The following OAS1 variants were observed in gnomAD, a reference collection of about 807,000 sequenced individuals.
OAS1 encodes 2'-5'-oligoadenylate synthetase 1, also known as 2'-5'-oligoadenylate synthase 1.
A neutral mutation model predicts 38.5 loss-of-function variants in OAS1; 24 were observed. That is an observed-to-expected ratio of 0.62 (90% CI 0.45 to 0.88). The LOEUF (loss-of-function observed/expected upper bound fraction) is 0.88, where lower values mean the gene tolerates loss of function less well. Among genes scored for constraint, OAS1 ranks in the 40% least tolerant of loss-of-function variants. The pLI, the probability that OAS1 is intolerant of heterozygous loss-of-function variation, is 0.00. For missense variants in OAS1, 482 were observed against 493.9 expected, an observed-to-expected ratio of 0.98 and a Z score of 0.23; for synonymous variants, 169 against 193.9, an observed-to-expected ratio of 0.87 and a Z score of 1.07.
At chr12:112,920,042 C>A, downstream of OAS1, 1 of 217,650 alleles carries the variant, frequency 4.6e-6, no homozygotes, top group Non-Finnish European at 9.3e-6. Context: ...TAGCTCTGGG[C>A]ACTGGGAATA....
At position 112,907,142 on chromosome 12, in the gene OAS1, G is replaced by A. The variant is rs568931178; in HGVS notation, c.103G>A (p.Asp35Asn). 3 of 1,614,064 alleles carry A rather than the reference G, an allele frequency of 1.9e-6. No homozygotes were observed. Among genetic ancestry groups the A allele is most frequent in the African/African-American group, 1.3e-5 (1 of 74,928 alleles). Residue 35 changes from aspartate (D) to asparagine (N), a missense_variant, in exon 1 of 6, where the codon GAC becomes AAC. Coordinates refer to ENST00000202917, the MANE Select transcript of OAS1 (RefSeq NM_016816.4). ...CFRMQINHAI[D>N]IICGFLKERC... Reference sequence around the variant, plus strand: ...CCGCATGCAAATCAACCATGCCATTGACATCATCTGTGGGTTCCTGAAGGA... The same window carrying A: ...CCGCATGCAAATCAACCATGCCATTAACATCATCTGTGGGTTCCTGAAGGA...
At chr12:112,930,883 CTCTT>C (rs1457293440) in intron 6 of OAS1, among the ~76,000 whole-genome samples, 1 of 152,228 alleles carries the variant, frequency 6.6e-6, no homozygotes, top group Non-Finnish European at 1.5e-5. Context: ...ATTCGGGGAG[CTCTT>C]TCTTTCTCTC....
chr12:112,917,621 C>T lies in OAS1; in HGVS notation c.959C>T (p.Ala320Val), dbSNP rs370539671. 6.8e-6 allele frequency: 11 copies of T among 1,614,086 alleles called. No individual in the cohort carries two copies. The African/African-American group carries it at 8.0e-5, about 12-fold the overall frequency. ...GACCCAAAGGGTTGGAGGCAGCTGGCACAAGAGGCTGAGGCCTGGCTGAAT... is the reference window on the plus strand; with the variant it reads ...GACCCAAAGGGTTGGAGGCAGCTGGTACAAGAGGCTGAGGCCTGGCTGAAT... ...GGDPKGWRQLAQEAEAWLNYP... is the reference protein window; with the variant it reads ...GGDPKGWRQLVQEAEAWLNYP... Residue 320 changes from alanine (A) to valine (V), a missense_variant, in exon 5 of 6, where the codon GCA (alanine) becomes GTA (valine). Coordinates refer to ENST00000202917, the MANE Select transcript of OAS1 (RefSeq NM_016816.4).
At chr12:112,930,165 T>C (rs1033020606) in intron 6 of OAS1, among the ~76,000 whole-genome samples, 1 of 152,148 alleles carries the variant, frequency 6.6e-6, no homozygotes, top group Non-Finnish European at 1.5e-5. Context: ...TTTCGCCACA[T>C]GATATGCCTG....
chr12:112,907,219 G>A lies in OAS1; in HGVS notation c.180G>A (p.Lys60=). The stretch of plus-strand genomic sequence containing the variant: ...CTGTGTGTGTGTCCAAGGTGGTAAA[G>A]GTGAGTCCAGGCCTGCCTGGCCAGG... ...SYPVCVSKVV[K]GGSSGKGTTL... The change falls in exon 1 of 6, where the codon AAG becomes AAA. Residue 60 remains lysine (K), a splice_region_variant and synonymous_variant. Transcript: ENST00000202917. The A allele has an allele frequency of 1.2e-6, 2 of 1,614,100 alleles. No homozygotes were observed. The highest frequency in any genetic ancestry group is 1.7e-6 in the Non-Finnish European group (2 of 1,179,968).
downstream of OAS1, among the ~76,000 whole-genome samples, chr12:112,924,415 G>A (rs1433563661): frequency 6.6e-6 from 1 of 151,904 alleles, no homozygotes; most frequent in Non-Finnish European, 1.5e-5. Context: ...ATATGGGGAG[G>A]CATTTGATTA....
intron 3 of OAS1, among the ~76,000 whole-genome samples, chr12:112,914,969 T>C (rs1040629709): frequency 6.6e-6 from 1 of 151,790 alleles, no homozygotes; most frequent in Non-Finnish European, 1.5e-5. Context: ...CACTTTTTGA[T>C]GAGATTTTTT....
rs574472568 is a variant in OAS1, at chr12:112,911,721, T to A, written c.654+486T>A. Among the ~76,000 whole-genome samples the A allele has an allele frequency of 5.1e-4, 77 of 152,360 alleles. 4 individuals carry two copies. In the South Asian group the frequency reaches 0.016, roughly 31 times the overall value. ...CCTTTCTGTTCTTTCTGCTTTCTTA[T>A]CTGCAACGAGTAGCATGCCATAGCT... On this transcript the variant is annotated intron_variant, in intron 3 of 5. Coordinates refer to ENST00000202917, the MANE Select transcript of OAS1 (RefSeq NM_016816.4).
intron 4 of OAS1, 39 bp downstream of exon 4, chr12:112,916,777 T>G (rs2043466420): frequency 6.9e-7 from 1 of 1,445,636 alleles, no homozygotes; most frequent in East Asian, 2.3e-5. Context: ...CCTATGTAAA[T>G]GAACACCTGG....
intron 2 of OAS1, 41 bp downstream of exon 2, chr12:112,908,865 T>A (rs1261146838): frequency 6.5e-7 from 1 of 1,532,288 alleles, no homozygotes; most frequent in African/African-American, 1.4e-5. Flanking sequence ...TTCCCATTTC[T>A]GAGCAGAAAT....
rs143163976 is a variant in OAS1, at chr12:112,928,526, C to T, written c.1168-3352C>T. 2.4e-3 allele frequency among the ~76,000 whole-genome samples: 368 copies of T among 152,338 alleles called. 1 individual carries two copies. The highest frequency in any genetic ancestry group is 8.1e-3 in the African/African-American group (338 of 41,574). The stretch of plus-strand genomic sequence containing the variant: ...ATCCAGGCTGGGCTCAGCTGGGCAC[C>T]TCTGTATATGCTGTGGGTTCTCCTG... On this transcript the variant is annotated intron_variant, in intron 6 of 6. Coordinates refer to the OAS1 transcript ENST00000540589.
rs566238096 is a variant in OAS1, at chr12:112,912,250, G to T, written c.654+1015G>T. Reference sequence around the variant, plus strand: ...AGCTACTGGGTAGGCTGAGGTGGGAGGATCGCTTGAGCCTGGGAGGAGGAG... The same window carrying T: ...AGCTACTGGGTAGGCTGAGGTGGGATGATCGCTTGAGCCTGGGAGGAGGAG... On this transcript the variant is annotated intron_variant, in intron 3 of 5. Transcript: ENST00000202917. Among the ~76,000 whole-genome samples, 12 of 152,288 alleles carry T rather than the reference G, an allele frequency of 7.9e-5. No homozygotes were observed. The South Asian group carries it at 2.5e-3, about 32-fold the overall frequency.
Position 112,917,619 on chromosome 12 carries a change from G to T in OAS1, c.957G>T (p.Leu319=). The change falls in exon 5 of 6, where the codon CTG becomes CTT. Residue 319 remains leucine (L), a synonymous_variant. Transcript: ENST00000202917. The stretch of plus-strand genomic sequence containing the variant: ...GAGACCCAAAGGGTTGGAGGCAGCT[G>T]GCACAAGAGGCTGAGGCCTGGCTGA... The part of the protein sequence containing the change: ...GGGDPKGWRQ[L]AQEAEAWLNY... 6.2e-7 allele frequency: 1 copy of T among 1,614,212 alleles called. No homozygotes were observed. Among genetic ancestry groups the T allele is most frequent in the African/African-American group, 1.3e-5 (1 of 75,046 alleles).
rs148499944 is a variant in OAS1 at position 112,908,579 on chromosome 12, A to C, written c.224A>C (p.Asp75Ala). Residue 75 changes from aspartate to alanine, a missense_variant, in exon 2 of 6, where the codon GAC (aspartate) becomes GCC (alanine). Coordinates refer to ENST00000202917, the MANE Select transcript of OAS1 (RefSeq NM_016816.4). ...GKGTTLRGRS[D>A]ADLVVFLSPL... ...GGCACCACCCTCAGAGGCCGATCTG[A>C]CGCTGACCTGGTTGTCTTCCTCAGT... 119 of 1,614,142 alleles carry C rather than the reference A, an allele frequency of 7.4e-5. No individual in the cohort carries two copies. The African/African-American group carries it at 1.5e-3, about 20-fold the overall frequency.
chr12:112,917,005 G>A (rs568880801), intron 4 of OAS1: 11 of 435,262 alleles, frequency 2.5e-5, no homozygotes, highest in African/African-American at 2.0e-4. Context: ...AACAGAAAAT[G>A]AGTAAAATAG....
At chr12:112,914,730 G>GTTTTTTTTTTTTTTTTT in intron 3 of OAS1, among the ~76,000 whole-genome samples, 1 of 118,496 alleles carries the variant, frequency 8.4e-6, no homozygotes, top group Middle Eastern at 4.7e-3. Flanking sequence ...GTTGGTATTT[G>GTTTTTTTTTTTTTTTTT]TTTTTTTTTT....
At chr12:112,918,432 A>G (rs2043492913) in intron 5 of OAS1, 2 of 307,184 alleles carry the variant, frequency 6.5e-6, no homozygotes, top group Admixed American at 7.9e-5. Context: ...TGCTATTGTG[A>G]ATCGTACTGC....
At chr12:112,928,372 T>C (rs953678261) in intron 6 of OAS1, among the ~76,000 whole-genome samples, 2 of 152,330 alleles carry the variant, frequency 1.3e-5, no homozygotes, top group Non-Finnish European at 2.9e-5. Context: ...CAGTTCTTTC[T>C]TGAGAGAAGA....
intron 2 of OAS1, 78 bp downstream of exon 2, chr12:112,908,902 C>A: frequency 6.8e-7 from 1 of 1,466,432 alleles, no homozygotes; most frequent in Admixed American, 2.2e-5. Context: ...GCTTTTTGCC[C>A]CAACAGGGCA....
Sources: gnomAD v4.1 joint callset for allele counts (sites outside exome capture counted in the v4.1 genomes callset) on GRCh38, gnomAD v4.1.1 for gene constraint, MANE v1.5 for transcripts, NCBI Gene and HGNC (gene_info 2026-07-23, HGNC 2026-07-21) for gene names.